Variants in ACER3 observed in about 807,000 individuals in gnomAD.
ACER3 encodes the protein alkaline ceramidase 3.
In ACER3, 16 loss-of-function variants were observed where a neutral mutation model predicts 48.9. That is an observed-to-expected ratio of 0.33 (90% CI 0.22 to 0.50). ACER3 has a LOEUF of 0.50. Ranked by LOEUF, ACER3 falls within the 20% of genes least tolerant of loss-of-function variation. The probability of loss-of-function intolerance (pLI) is 0.98; values close to 1 mark genes in which losing one functional copy is unlikely to be tolerated. For missense variants in ACER3, 227 were observed against 326.0 expected (o/e 0.70, Z 2.34); for synonymous variants, 109 against 107.8 (o/e 1.01, Z -0.07).
chr11:76,877,014 G>C (rs903567375), intron 1 of ACER3, among the ~76,000 whole-genome samples: 14 of 152,140 alleles, frequency 9.2e-5, no homozygotes, highest in African/African-American at 3.1e-4. Flanking sequence ...AAAACTCAGA[G>C]TATGTCATAT....
chr11:77,026,205 CAT>C lies in ACER3; in HGVS notation c.*5882_*5883del, dbSNP rs1555025731. On this transcript the variant is annotated 3_prime_UTR_variant, in exon 11 of 11. Coordinates refer to ENST00000532485, the MANE Select transcript of ACER3 (RefSeq NM_018367.7). ...ATCTTTTGACCATTTTTTCTCATGT[CAT>C]ATAAAATGTGCCACATGGTAGTTGT... is the stretch of plus-strand genomic sequence containing the variant. The C allele has an allele frequency of 2.0e-5, 3 of 152,168 alleles. No homozygotes were observed. The highest frequency in any genetic ancestry group is 7.2e-5 in the African/African-American group (3 of 41,424). The allele number at this position is 152,168 out of a possible 1,614,324, so 9.4% of individuals were successfully genotyped here. A position where few individuals can be genotyped will look rare whatever the true frequency, so the allele number is the denominator to read the frequency against.
At chr11:77,008,378 T>C (rs1949197424) in intron 7 of ACER3, among the ~76,000 whole-genome samples, 1 of 152,198 alleles carries the variant, frequency 6.6e-6, no homozygotes, top group Admixed American at 6.5e-5. Flanking sequence ...ACCAATACTT[T>C]TAGAAACACA....
chr11:76,931,605 A>G lies in ACER3; in HGVS notation c.214+4938A>G, dbSNP rs7933347. 1.9e-3 allele frequency among the ~76,000 whole-genome samples: 287 copies of G among 152,164 alleles called. 1 individual carries two copies. The highest frequency in any genetic ancestry group is 3.0e-3 in the Non-Finnish European group (206 of 68,012). ...GCATGTTTTTGCAGTGGCTAGTACC[A>G]GTTGTTCCTTTCCATGTTTAGTGCT... On this transcript the variant is annotated intron_variant, in intron 2 of 10. Transcript: ENST00000532485.
intron 2 of ACER3, among the ~76,000 whole-genome samples, chr11:76,926,982 A>G (rs985516438): frequency 2.0e-5 from 3 of 152,064 alleles, no homozygotes; most frequent in Admixed American, 6.5e-5. Flanking sequence ...TTTCTTTTTT[A>G]AGGAAATTAC....
At chr11:76,952,137 T>TACACAC (rs1190791147) in intron 2 of ACER3, among the ~76,000 whole-genome samples, 1 of 74,368 alleles carries the variant, frequency 1.3e-5, no homozygotes, top group African/African-American at 3.0e-5. Flanking sequence ...TATATATATA[T>TACACAC]ATACACACAC....
chr11:76,931,612 C>A (rs566808885), intron 2 of ACER3, among the ~76,000 whole-genome samples: 44 of 152,246 alleles, frequency 2.9e-4, no homozygotes, highest in Non-Finnish European at 4.9e-4. Flanking sequence ...ACCAGTTGTT[C>A]CTTTCCATGT....
chr11:76,895,708 C>T (rs1945911158), intron 1 of ACER3, among the ~76,000 whole-genome samples: 1 of 152,064 alleles, frequency 6.6e-6, no homozygotes, highest in African/African-American at 2.4e-5. Flanking sequence ...AAACAAGTAC[C>T]TATGTGTGAA....
intron 7 of ACER3, among the ~76,000 whole-genome samples, chr11:77,002,461 T>A (rs781801990): frequency 6.6e-6 from 1 of 152,204 alleles, no homozygotes; most frequent in Non-Finnish European, 1.5e-5. Context: ...ACCTTACTTA[T>A]GTAATTCTTT....
In ACER3 at chr11:77,016,709, A is replaced by G. The variant is rs1429959485; in HGVS notation, c.634A>G (p.Ile212Val). 1 of 1,602,626 alleles carries G rather than the reference A, an allele frequency of 6.2e-7. No homozygotes were observed. Among genetic ancestry groups the G allele is most frequent in the South Asian group, 1.1e-5 (1 of 89,518 alleles). ...AAAGAAGGTACCACCTATCATAGGTATTACCACACAATTTCATGCATGGTG... is the reference window on the plus strand; with the variant it reads ...AAAGAAGGTACCACCTATCATAGGTGTTACCACACAATTTCATGCATGGTG... ...FRKKVPPIIG[I>V]TTQFHAWWHI... Residue 212 changes from isoleucine to valine, a missense_variant, in exon 9 of 11, where the codon ATT becomes GTT. Coordinates refer to ENST00000532485, the MANE Select transcript of ACER3 (RefSeq NM_018367.7).
intron 7 of ACER3, among the ~76,000 whole-genome samples, chr11:77,011,058 G>A (rs1949253497): frequency 6.6e-6 from 1 of 152,274 alleles, no homozygotes; most frequent in East Asian, 1.9e-4. Context: ...AAAGAGAGAG[G>A]TGAAGGCAGT....
intron 1 of ACER3, 146 bp downstream of exon 1, chr11:76,861,225 G>T (rs558264863): frequency 1.4e-6 from 1 of 733,368 alleles, no homozygotes; most frequent in African/African-American, 1.8e-5. Context: ...CTGGGCCAGC[G>T]GGAGGCTGAG....
intron 1 of ACER3, among the ~76,000 whole-genome samples, chr11:76,916,189 G>A (rs1490801198): frequency 2.6e-5 from 4 of 152,168 alleles, no homozygotes; most frequent in Non-Finnish European, 5.9e-5. Flanking sequence ...GGTGAAGGAT[G>A]AATCTGTTAA....
At chr11:76,941,772 T>A (rs989861147) in intron 2 of ACER3, among the ~76,000 whole-genome samples, 15 of 152,158 alleles carry the variant, frequency 9.9e-5, no homozygotes, top group Admixed American at 7.2e-4. Context: ...TATTAATTCT[T>A]CCAATCCATG....
At chr11:76,996,719 CTT>C (rs36108857) in intron 6 of ACER3, among the ~76,000 whole-genome samples, 102,143 of 138,886 alleles carry the variant, frequency 0.74, 36,809 homozygotes, top group Non-Finnish European at 0.77. Flanking sequence ...CCCACCCAGC[CTT>C]TTTTTTTTTT....
At chr11:76,903,307 G>A (rs1478542696) in intron 1 of ACER3, among the ~76,000 whole-genome samples, 1 of 151,990 alleles carries the variant, frequency 6.6e-6, no homozygotes, top group Non-Finnish European at 1.5e-5. Context: ...TTCAAATATT[G>A]TCTCTTCAGT....
chr11:76,945,651 G>A (rs1947453337), intron 2 of ACER3, among the ~76,000 whole-genome samples: 1 of 152,310 alleles, frequency 6.6e-6, no homozygotes, highest in African/African-American at 2.4e-5. Context: ...GCTGGCACCA[G>A]TGTTAGTGGG....
chr11:76,936,966 C>T (rs1947204105), intron 2 of ACER3, among the ~76,000 whole-genome samples: 1 of 152,114 alleles, frequency 6.6e-6, no homozygotes, highest in African/African-American at 2.4e-5. Flanking sequence ...ATCTGCCCAC[C>T]TCAGCTTCCC....
At chr11:76,904,150 C>A (rs1487558760) in intron 1 of ACER3, among the ~76,000 whole-genome samples, 1 of 152,002 alleles carries the variant, frequency 6.6e-6, no homozygotes, top group Non-Finnish European at 1.5e-5. Flanking sequence ...CCAAACCCAG[C>A]TGATTTTTGT....
At chr11:77,014,069 T>C (rs1269728476) in intron 7 of ACER3, among the ~76,000 whole-genome samples, 1 of 152,232 alleles carries the variant, frequency 6.6e-6, no homozygotes, top group Non-Finnish European at 1.5e-5. Flanking sequence ...TTCATGGGTA[T>C]GTACAGATGT....
Sources: allele counts gnomAD v4.1 joint callset (sites outside exome capture counted in the v4.1 genomes callset), GRCh38; gene constraint gnomAD v4.1.1; transcripts MANE v1.5; gene names NCBI Gene and HGNC (gene_info 2026-07-23, HGNC 2026-07-21).